The following MACROH2A2 variants were observed in gnomAD, a reference collection of about 807,000 sequenced individuals.
MACROH2A2 encodes core histone macro-H2A.2.
A neutral mutation model predicts 37.6 loss-of-function variants in MACROH2A2; 6 were observed. The observed-to-expected ratio is 0.16, with a 90% CI of 0.09 to 0.32. The LOEUF is 0.32. Among genes scored for constraint, MACROH2A2 ranks in the 10% least tolerant of loss-of-function variants. The pLI is 1.00. For synonymous variants in MACROH2A2, 192 were observed against 202.7 expected, an observed-to-expected ratio of 0.95 and a Z score of 0.45; for missense variants, 290 against 485.9, an observed-to-expected ratio of 0.60 and a Z score of 3.79.
chr10:70,066,961 T>C (rs894471299), intron 1 of MACROH2A2, among the ~76,000 whole-genome samples: 2 of 152,180 alleles, frequency 1.3e-5, no homozygotes, highest in Admixed American at 6.5e-5. Context: ...CTGTTTAGAA[T>C]GGCCCCCAGG....
At chr10:70,058,984 T>C (rs2072034413) in intron 1 of MACROH2A2, among the ~76,000 whole-genome samples, 1 of 152,146 alleles carries the variant, frequency 6.6e-6, no homozygotes, top group Non-Finnish European at 1.5e-5. Flanking sequence ...GATTATTGTT[T>C]TGGGGTGAAG....
intron 2 of MACROH2A2, 55 bp from the exon 3 acceptor site, chr10:70,090,005 C>G (rs1356882077): frequency 2.7e-6 from 3 of 1,091,850 alleles, no homozygotes; most frequent in Non-Finnish European, 4.3e-6. Flanking sequence ...TAAAGAAAAG[C>G]TTTAGCTCAG....
At chr10:70,097,845 A>G (rs1466899320) in intron 6 of MACROH2A2, among the ~76,000 whole-genome samples, 1 of 151,992 alleles carries the variant, frequency 6.6e-6, no homozygotes, top group Admixed American at 6.6e-5. Context: ...ACAGTGGCAC[A>G]CTCCTGTAGT....
intron 2 of MACROH2A2, among the ~76,000 whole-genome samples, chr10:70,085,340 G>A (rs1015183104): frequency 9.9e-5 from 15 of 152,190 alleles, no homozygotes; most frequent in Non-Finnish European, 1.5e-5. Flanking sequence ...TAGTACAGAC[G>A]GGTGGGTAGA....
chr10:70,069,296 C>T (rs989971528), intron 1 of MACROH2A2, among the ~76,000 whole-genome samples: 10 of 152,150 alleles, frequency 6.6e-5, no homozygotes, highest in Non-Finnish European at 7.3e-5. Context: ...CCTGGGGGTT[C>T]GGGGGAACGA....
chr10:70,070,206 A>G (rs1293104911), intron 1 of MACROH2A2, among the ~76,000 whole-genome samples: 2 of 152,188 alleles, frequency 1.3e-5, no homozygotes, highest in African/African-American at 4.8e-5. Context: ...TTTGGCAGGC[A>G]TAGAGGACTC....
chr10:70,056,440 G>C (rs569314791), intron 1 of MACROH2A2, among the ~76,000 whole-genome samples: 3 of 152,074 alleles, frequency 2.0e-5, no homozygotes, highest in Admixed American at 6.5e-5. Flanking sequence ...CACCATGCCC[G>C]GCCAAGTTCT....
chr10:70,111,503 T>C lies in MACROH2A2; in HGVS notation c.954-15T>C. 6.2e-7 allele frequency: 1 copy of C among 1,609,284 alleles called. No homozygotes were observed. Among genetic ancestry groups the C allele is most frequent in the Non-Finnish European group, 8.5e-7 (1 of 1,177,952 alleles). ...GGACCAAAATGACATCGGCTCTTCTTTTGCTTTGGCACAGAAACTGCTTTC... is the reference window on the plus strand; with the variant it reads ...GGACCAAAATGACATCGGCTCTTCTCTTGCTTTGGCACAGAAACTGCTTTC... On this transcript the variant is annotated splice_polypyrimidine_tract_variant and intron_variant, in intron 8 of 8. Coordinates refer to ENST00000373255, the MANE Select transcript of MACROH2A2 (RefSeq NM_018649.3).
intron 2 of MACROH2A2, among the ~76,000 whole-genome samples, chr10:70,080,817 G>A (rs1266575300): frequency 1.4e-5 from 2 of 146,960 alleles, no homozygotes; most frequent in African/African-American, 2.5e-5. Context: ...CCCGGGAGGT[G>A]GAGGTTGCAG....
rs531535945 is a variant in MACROH2A2 at position 70,097,968 on chromosome 10, A to G, written c.688+2215A>G. 5.3e-4 allele frequency among the ~76,000 whole-genome samples: 80 copies of G among 152,132 alleles called. 1 individual carries two copies. Among genetic ancestry groups the G allele is most frequent in the Non-Finnish European group, 1.0e-3 (71 of 68,022 alleles). On this transcript the variant is annotated intron_variant, in intron 6 of 8. Coordinates refer to ENST00000373255, the MANE Select transcript of MACROH2A2 (RefSeq NM_018649.3). ...TCTTATAAAAAAGGGGGGCCCGAGTACGGTGGCTCACACCTGTAATCCCAG... is the reference window on the plus strand; with the variant it reads ...TCTTATAAAAAAGGGGGGCCCGAGTGCGGTGGCTCACACCTGTAATCCCAG...
intron 5 of MACROH2A2, among the ~76,000 whole-genome samples, chr10:70,094,833 GCAAGGGAGC>G (rs1232890945): frequency 6.6e-6 from 1 of 152,132 alleles, no homozygotes; most frequent in Non-Finnish European, 1.5e-5. Flanking sequence ...TCTCCAAAGG[GCAAGGGAGC>G]CAGACACCCC....
Position 70,080,885 on chromosome 10 carries a change from CAAAAAAAAAAAA to C in MACROH2A2, c.172+5072_172+5083del, listed in dbSNP as rs149608498. 1.6e-4 allele frequency among the ~76,000 whole-genome samples: 5 copies of C among 31,986 alleles called. No individual in the cohort carries two copies. In the South Asian group the frequency reaches 7.4e-3, roughly 47 times the overall value. 21.0% of individuals were successfully genotyped at this position (31,986 alleles called of 152,430 possible). On this transcript the variant is annotated intron_variant, in intron 2 of 8. Coordinates refer to ENST00000373255, the MANE Select transcript of MACROH2A2 (RefSeq NM_018649.3). ...GGGGAACAACAGTGAAACTCCATCT[CAAAAAAAAAAAA>C]AAAAAAAAAAAAAAAACCTAACTGG... is the stretch of plus-strand genomic sequence containing the variant.
At chr10:70,086,723 A>G (rs529982324) in intron 2 of MACROH2A2, among the ~76,000 whole-genome samples, 5 of 152,318 alleles carry the variant, frequency 3.3e-5, no homozygotes, top group African/African-American at 1.2e-4. Flanking sequence ...AGTTGCTCAG[A>G]AGCTTAAAAT....
chr10:70,104,268 T>C (rs1394147537), intron 7 of MACROH2A2, among the ~76,000 whole-genome samples: 1 of 150,890 alleles, frequency 6.6e-6, no homozygotes. Context: ...CACATAAAGC[T>C]GGGGCACATT....
chr10:70,079,906 T>C (rs564639126), intron 2 of MACROH2A2, among the ~76,000 whole-genome samples: 1 of 152,268 alleles, frequency 6.6e-6, no homozygotes, highest in African/African-American at 2.4e-5. Flanking sequence ...CTAGCTACTT[T>C]CTCTCAGGCC....
At chr10:70,066,345 A>G (rs1325419526) in intron 1 of MACROH2A2, among the ~76,000 whole-genome samples, 1 of 152,180 alleles carries the variant, frequency 6.6e-6, no homozygotes, top group Non-Finnish European at 1.5e-5. Context: ...GAAAGAAAAC[A>G]AAGTTTACTT....
At chr10:70,095,575 A>C in intron 5 of MACROH2A2, 79 bp from the exon 6 acceptor site, 2 of 749,068 alleles carry the variant, frequency 2.7e-6, no homozygotes, top group Middle Eastern at 2.3e-4. Context: ...AAAGAGAATT[A>C]ATGAATGCAA....
At chr10:70,069,081 A>G (rs3847356) in intron 1 of MACROH2A2, among the ~76,000 whole-genome samples, 22,740 of 152,244 alleles carry the variant, frequency 0.15, 1,823 homozygotes, top group East Asian at 0.26. Flanking sequence ...TAGTTATTTG[A>G]ATAGTCTGGT....
chr10:70,111,631 G>T lies in MACROH2A2; in HGVS notation c.1067G>T (p.Ser356Ile). The T allele has an allele frequency of 6.2e-7, 1 of 1,613,370 alleles. No individual in the cohort carries two copies. The highest frequency in any genetic ancestry group is 8.5e-7 in the Non-Finnish European group (1 of 1,179,692). The change falls in exon 9 of 9, where the codon AGC (serine) becomes ATC (isoleucine). Residue 356 changes from serine to isoleucine, a missense_variant. This residue lies in a region of MACROH2A2 where 130 missense variants were observed against 257.1 expected (regional missense o/e 0.51). Coordinates refer to ENST00000373255, the MANE Select transcript of MACROH2A2 (RefSeq NM_018649.3). ...LKNVYFLLFDSESIGIYVQEM... is the reference protein window; with the variant it reads ...LKNVYFLLFDIESIGIYVQEM... The stretch of plus-strand genomic sequence containing the variant: ...AACGTGTACTTCCTGCTCTTCGACA[G>T]CGAGAGCATCGGCATCTACGTGCAG...
Sources: allele counts gnomAD v4.1 joint callset (sites outside exome capture counted in the v4.1 genomes callset), GRCh38; gene constraint gnomAD v4.1.1; regional missense constraint gnomAD v4.1.1; transcripts MANE v1.5; gene names NCBI Gene and HGNC (gene_info 2026-07-23, HGNC 2026-07-21).